Variants in ANKRD17 observed in about 807,000 individuals in gnomAD.
ANKRD17 encodes ankyrin repeat domain-containing protein 17.
In ANKRD17, 19 loss-of-function variants were observed where a neutral mutation model predicts 229.7. The ratio of observed to expected loss-of-function variants is 0.08; its 90% confidence interval spans 0.06 to 0.12. The LOEUF is 0.12. ANKRD17 is among the 10% of genes least tolerant of loss of function. ANKRD17 has a pLI of 1.00. For missense variants in ANKRD17, 2,176 were observed against 3,176.8 expected (o/e 0.68, Z 7.57); for synonymous variants, 1,112 against 1,146.1 (o/e 0.97, Z 0.60).
rs537285641 is a variant in ANKRD17 at position 73,250,688 on chromosome 4, TTTGTTG to T, written c.393+7582_393+7587del. On this transcript the variant is annotated intron_variant, in intron 1 of 33. Coordinates refer to ENST00000358602, the MANE Select transcript of ANKRD17 (RefSeq NM_032217.5). ...GAATTCCTCAAGTACTGTAACGGTT[TTTGTTG>T]TTGTTGTTGTTGTTGTTGTTGTTGT... 2.0e-3 allele frequency among the ~76,000 whole-genome samples: 297 copies of T among 148,698 alleles called. 1 individual carries two copies. Among genetic ancestry groups the T allele is most frequent in the African/African-American group, 4.5e-3 (182 of 40,128 alleles).
Position 73,092,210 on chromosome 4 carries a change from C to T in ANKRD17, c.5418G>A (p.Lys1806=). ...PDKEIDELIP[K]NRLKSSSANS... ...TTGCTGAGGAGCTTTTCAAACGATT[C>T]TTTGGAATAAGTTCATCAATTTCTT... Residue 1806 remains lysine, a synonymous_variant, in exon 29 of 34, where the codon AAG becomes AAA. Transcript: ENST00000358602. 1 of 1,614,104 alleles carries T rather than the reference C, an allele frequency of 6.2e-7. No individual in the cohort carries two copies. The highest frequency in any genetic ancestry group is 8.5e-7 in the Non-Finnish European group (1 of 1,180,022).
intron 1 of ANKRD17, among the ~76,000 whole-genome samples, chr4:73,257,866 C>A (rs1745598423): frequency 2.0e-5 from 3 of 152,072 alleles, no homozygotes; most frequent in Admixed American, 1.3e-4. Context: ...CCTAGTTGGT[C>A]CCCAAGAGAC....
At chr4:73,093,539 G>A (rs540937075) in intron 28 of ANKRD17, among the ~76,000 whole-genome samples, 12 of 152,048 alleles carry the variant, frequency 7.9e-5, no homozygotes, top group Admixed American at 3.3e-4. Context: ...CACTATGCCC[G>A]GCTAATTTTG....
chr4:73,216,067 C>T (rs1007585875), intron 1 of ANKRD17, among the ~76,000 whole-genome samples: 12 of 152,080 alleles, frequency 7.9e-5, no homozygotes, highest in Non-Finnish European at 1.5e-4. Context: ...CGTAATGAGA[C>T]CTCAACTCTA....
intron 18 of ANKRD17, 91 bp from the exon 19 acceptor site, chr4:73,121,850 A>T: frequency 7.8e-7 from 1 of 1,282,200 alleles, no homozygotes; most frequent in South Asian, 1.8e-5. Flanking sequence ...GGTATACTGT[A>T]CAATAAAAGA....
chr4:73,124,776 G>T, intron 18 of ANKRD17, 137 bp downstream of exon 18: 2 of 1,092,510 alleles, frequency 1.8e-6, no homozygotes, highest in Non-Finnish European at 2.5e-6. Flanking sequence ...TCATCTTTTT[G>T]TTAATAGATA....
intron 1 of ANKRD17, among the ~76,000 whole-genome samples, chr4:73,215,243 A>G (rs1410357602): frequency 6.6e-6 from 1 of 151,726 alleles, no homozygotes; most frequent in Non-Finnish European, 1.5e-5. Flanking sequence ...TTCTGAGAAC[A>G]CTGATGCTGT....
rs201592996 is a variant in ANKRD17, at chr4:73,085,826, T to A, written c.6962-380A>T. On this transcript the variant is annotated intron_variant, in intron 29 of 33. Coordinates refer to ENST00000358602, the MANE Select transcript of ANKRD17 (RefSeq NM_032217.5). The stretch of plus-strand genomic sequence containing the variant: ...AGGATAGACTGCCTCTACAAAAAAT[T>A]AAAAAAAAAAAAAAATTAGCCAAGT... Among the ~76,000 whole-genome samples the A allele has an allele frequency of 4.9e-5, 7 of 143,152 alleles. No homozygotes were observed. In the South Asian group the frequency reaches 6.7e-4, roughly 14 times the overall value. The allele number at this position is 143,152 out of a possible 152,430, so 93.9% of individuals were successfully genotyped here.
intron 2 of ANKRD17, 106 bp from the exon 3 acceptor site, chr4:73,161,454 A>C: frequency 9.0e-7 from 1 of 1,115,790 alleles, no homozygotes; most frequent in Admixed American, 2.5e-5. Flanking sequence ...TAACCTCCAA[A>C]TGGTAGAGTA....
At chr4:73,141,652 C>A (rs899616440) in intron 14 of ANKRD17, 89 bp downstream of exon 14, 26 of 1,291,136 alleles carry the variant, frequency 2.0e-5, no homozygotes, top group Non-Finnish European at 2.8e-5. Context: ...ACTTAGTAAA[C>A]TTCTTTGTTT....
intron 1 of ANKRD17, among the ~76,000 whole-genome samples, chr4:73,197,278 G>A (rs1374144259): frequency 1.3e-5 from 2 of 152,158 alleles, no homozygotes; most frequent in Non-Finnish European, 2.9e-5. Flanking sequence ...CAAGGCTTAT[G>A]TGATGTTTAC....
rs571954030 is a variant in ANKRD17 at position 73,248,850 on chromosome 4, A to G, written c.393+9426T>C. 5.4e-4 allele frequency among the ~76,000 whole-genome samples: 82 copies of G among 152,176 alleles called. 1 individual carries two copies. In the South Asian group the frequency reaches 0.016, roughly 29 times the overall value. On this transcript the variant is annotated intron_variant, in intron 1 of 33. Transcript: ENST00000358602. ...GGAGATAATAAATGTTTGTCAGGTA[A>G]AAGAATTAACTCCTGTAGGAGTTAA...
intron 1 of ANKRD17, among the ~76,000 whole-genome samples, chr4:73,235,514 T>C (rs998647835): frequency 5.3e-5 from 8 of 152,210 alleles, no homozygotes; most frequent in African/African-American, 1.9e-4. Flanking sequence ...TATAATAACA[T>C]CTGTTCCCGC....
chr4:73,174,780 T>C (rs1487631360), intron 2 of ANKRD17, among the ~76,000 whole-genome samples: 1 of 152,086 alleles, frequency 6.6e-6, no homozygotes, highest in African/African-American at 2.4e-5. Context: ...TGCCAAGAAC[T>C]AACAATCTGA....
intron 11 of ANKRD17, among the ~76,000 whole-genome samples, chr4:73,143,412 G>A (rs1729848928): frequency 6.6e-6 from 1 of 152,204 alleles, no homozygotes; most frequent in Non-Finnish European, 1.5e-5. Context: ...TTACAGGCAT[G>A]AGCCATTGCA....
chr4:73,183,587 C>T (rs1735873713), intron 1 of ANKRD17, among the ~76,000 whole-genome samples: 1 of 152,068 alleles, frequency 6.6e-6, no homozygotes, highest in Admixed American at 6.6e-5. Context: ...CCTTCTCTTC[C>T]TTCAGCCTCC....
At chr4:73,136,738 A>G (rs996491063) in intron 15 of ANKRD17, among the ~76,000 whole-genome samples, 1 of 152,134 alleles carries the variant, frequency 6.6e-6, no homozygotes, top group African/African-American at 2.4e-5. Flanking sequence ...TTTCAAAATC[A>G]TATAAAATCT....
chr4:73,249,986 C>G (rs1259612363), intron 1 of ANKRD17, among the ~76,000 whole-genome samples: 1 of 152,218 alleles, frequency 6.6e-6, no homozygotes, highest in South Asian at 2.1e-4. Context: ...CTCTAGACCT[C>G]GTTTTAGTCA....
chr4:73,091,156 G>C lies in ANKRD17; in HGVS notation c.6472C>G (p.Pro2158Ala), dbSNP rs950339314. The change falls in exon 29 of 34, where the codon CCT becomes GCT. Residue 2158 changes from proline (P) to alanine (A), a missense_variant. Coordinates refer to ENST00000358602, the MANE Select transcript of ANKRD17 (RefSeq NM_032217.5). ...CATCCCATTGGTGTCTGAGGCATAG[G>C]GTAAGTCACTGGGGCAGTAGAAGGC... ...AVPSTAPVTY[P>A]MPQTPMGCPQ... 2 of 1,614,148 alleles carry C rather than the reference G, an allele frequency of 1.2e-6. No individual in the cohort carries two copies. The highest frequency in any genetic ancestry group is 1.7e-6 in the Non-Finnish European group (2 of 1,180,032).
Sources: gnomAD v4.1 joint callset for allele counts (sites outside exome capture counted in the v4.1 genomes callset) on GRCh38, gnomAD v4.1.1 for gene constraint, MANE v1.5 for transcripts, NCBI Gene and HGNC (gene_info 2026-07-23, HGNC 2026-07-21) for gene names.